UNC79: variants seen among roughly 807,000 people sequenced by gnomAD.
UNC79 encodes unc-79 subunit of NALCN channel complex.
UNC79 carries 37 observed loss-of-function variants against 283.1 expected under a neutral mutation model. That is an observed-to-expected ratio of 0.13 (90% CI 0.10 to 0.17). UNC79 has a LOEUF of 0.17. UNC79 is among the 10% of genes least tolerant of loss of function. UNC79 has a pLI of 1.00. For synonymous variants in UNC79, 1,107 were observed against 1,200.2 expected (o/e 0.92, Z 1.61); for missense variants, 2,272 against 3,211.1 (o/e 0.71, Z 7.07).
chr14:93,505,981 A>G (rs1029514673), intron 7 of UNC79, among the ~76,000 whole-genome samples: 1 of 151,658 alleles, frequency 6.6e-6, no homozygotes, highest in Non-Finnish European at 1.5e-5. Context: ...TATACATATT[A>G]TATATTCTAC....
intron 18 of UNC79, 78 bp downstream of exon 18, chr14:93,578,141 T>TGGAGATGCCCAACACA: frequency 3.0e-6 from 4 of 1,340,476 alleles, no homozygotes; most frequent in Non-Finnish European, 4.1e-6. Flanking sequence ...TTTCCATGTG[T>TGGAGATGCCCAACACA]TGGGCATCTC....
At chr14:93,632,888 C>T (rs1011654902) in intron 31 of UNC79, among the ~76,000 whole-genome samples, 2 of 151,860 alleles carry the variant, frequency 1.3e-5, no homozygotes, top group African/African-American at 4.8e-5. Context: ...CCACCTTTCT[C>T]CTCCTTGCCA....
chr14:93,349,170 C>T (rs1314018727), intron 1 of UNC79, among the ~76,000 whole-genome samples: 1 of 152,212 alleles, frequency 6.6e-6, no homozygotes, highest in South Asian at 2.1e-4. Context: ...AACTGTAACA[C>T]TCACCGTGAA....
intron 23 of UNC79, among the ~76,000 whole-genome samples, chr14:93,596,359 G>C (rs1029113961): frequency 3.3e-5 from 5 of 152,318 alleles, no homozygotes; most frequent in Non-Finnish European, 5.9e-5. Context: ...TGTAGGCTGG[G>C]TGCAGTGGCT....
intron 47 of UNC79, among the ~76,000 whole-genome samples, chr14:93,698,178 A>T (rs2075283257): frequency 6.6e-6 from 1 of 152,172 alleles, no homozygotes; most frequent in Non-Finnish European, 1.5e-5. Context: ...CTCTGTGTGC[A>T]CTAGAAAAGA....
At chr14:93,702,111 CT>C (rs1248117220) in intron 47 of UNC79, among the ~76,000 whole-genome samples, 1 of 152,158 alleles carries the variant, frequency 6.6e-6, no homozygotes, top group Non-Finnish European at 1.5e-5. Context: ...CCAGGGCTTG[CT>C]TTTTGCTGTG....
At chr14:93,434,045 C>T (rs760836372) in intron 1 of UNC79, among the ~76,000 whole-genome samples, 1 of 152,068 alleles carries the variant, frequency 6.6e-6, no homozygotes, top group Non-Finnish European at 1.5e-5. Context: ...GAAACCCCAT[C>T]TCTACTAAAA....
At position 93,575,211 on chromosome 14, in the gene UNC79, A is replaced by G. The variant is rs1246651403; in HGVS notation, c.2211+13A>G. On this transcript the variant is annotated intron_variant, in intron 17 of 48. Transcript: ENST00000555664. ...TGCATCTCGAAGGGTAATTATTGCC[A>G]CATTTGTTCTTGTCTTGCTTTTAAA... is the stretch of plus-strand genomic sequence containing the variant. 4 of 1,613,272 alleles carry G rather than the reference A, an allele frequency of 2.5e-6. No individual in the cohort carries two copies. Among genetic ancestry groups the G allele is most frequent in the Non-Finnish European group, 3.4e-6 (4 of 1,179,798 alleles).
At chr14:93,361,158 G>A (rs1380319176) in intron 1 of UNC79, among the ~76,000 whole-genome samples, 2 of 135,746 alleles carry the variant, frequency 1.5e-5, no homozygotes, top group East Asian at 4.4e-4. Context: ...GTTGCAGTGA[G>A]CTGAAATCAT....
At position 93,634,517 on chromosome 14, in the gene UNC79, C is replaced by G. The variant is rs758756520; in HGVS notation, c.5717-2699C>G. 1 of 1,609,370 alleles carries G rather than the reference C, an allele frequency of 6.2e-7. No individual in the cohort carries two copies. Among genetic ancestry groups the G allele is most frequent in the South Asian group, 1.1e-5 (1 of 90,960 alleles). On this transcript the variant is annotated intron_variant, in intron 31 of 48. Coordinates refer to ENST00000555664, the Ensembl canonical transcript of UNC79. ...ATAATCATCTCCTAATTTCCTCCAT[C>G]TAGCTCAGTATAGGCAGATGAAAAG...
chr14:93,497,479 C>A (rs1417952572), intron 7 of UNC79, among the ~76,000 whole-genome samples, 193 bp downstream of exon 7: 1 of 152,178 alleles, frequency 6.6e-6, no homozygotes, highest in East Asian at 1.9e-4. Context: ...CATTTATGGC[C>A]TCAGGGCAAA....
intron 14 of UNC79, among the ~76,000 whole-genome samples, chr14:93,571,035 G>A (rs1038042402): frequency 1.3e-5 from 2 of 152,054 alleles, no homozygotes; most frequent in Non-Finnish European, 2.9e-5. Flanking sequence ...GTCTTGTCTA[G>A]GATTTTGGTC....
In UNC79 at chr14:93,597,343, C is replaced by T; in HGVS notation, c.3191-16C>T. On this transcript the variant is annotated splice_polypyrimidine_tract_variant and intron_variant, in intron 23 of 48. Transcript: ENST00000555664. ...TGTGTGTATTTACGTATTTTGCCTT[C>T]TCTTTTACATTGCAGTGGAAAAAGT... 1.2e-6 allele frequency: 2 copies of T among 1,612,810 alleles called. No individual in the cohort carries two copies. Among genetic ancestry groups the T allele is most frequent in the South Asian group, 2.2e-5 (2 of 90,832 alleles).
chr14:93,354,797 C>T (rs1201358591), intron 1 of UNC79, among the ~76,000 whole-genome samples: 11 of 152,166 alleles, frequency 7.2e-5, no homozygotes, highest in Non-Finnish European at 1.3e-4. Context: ...ATACTGCACC[C>T]AGCCCTAAGC....
At chr14:93,396,095 A>G (rs2054990668) in intron 1 of UNC79, among the ~76,000 whole-genome samples, 1 of 151,798 alleles carries the variant, frequency 6.6e-6, no homozygotes, top group Non-Finnish European at 1.5e-5. Flanking sequence ...TTTGTGTTAC[A>G]CAGACTAGAC....
At chr14:93,569,258 A>C (rs1339453346) in intron 14 of UNC79, among the ~76,000 whole-genome samples, 1 of 152,132 alleles carries the variant, frequency 6.6e-6, no homozygotes, top group Non-Finnish European at 1.5e-5. Context: ...CAACATGGTG[A>C]AACCCCGTCT....
rs57703735 is a variant in UNC79 at position 93,660,520 on chromosome 14, CATATATATATATATATATAT to C, written c.6525+1284_6525+1303del. On this transcript the variant is annotated intron_variant, in intron 39 of 48. Coordinates refer to ENST00000555664, the Ensembl canonical transcript of UNC79. ...TATTGACAATGTTTCAAGACAATAG[CATATATATATATATATATAT>C]ATATATATATATATATATATATATG... Among the ~76,000 whole-genome samples, 71 of 48,730 alleles carry C rather than the reference CATATATATATATATATATAT, an allele frequency of 1.5e-3. 2 individuals are homozygous for C. The highest frequency in any genetic ancestry group is 6.0e-3 in the South Asian group (6 of 1,006). The allele number at this position is 48,730 out of a possible 152,430, so 32.0% of individuals were successfully genotyped here.
intron 23 of UNC79, among the ~76,000 whole-genome samples, chr14:93,594,278 GT>G (rs989234232): frequency 6.6e-6 from 1 of 150,928 alleles, no homozygotes; most frequent in African/African-American, 2.4e-5. Flanking sequence ...GGTTTTTTGT[GT>G]TTTTTTTTGA....
chr14:93,637,819 G>A (rs1362397816), intron 32 of UNC79, among the ~76,000 whole-genome samples: 1 of 152,072 alleles, frequency 6.6e-6, no homozygotes, highest in Non-Finnish European at 1.5e-5. Context: ...ACATTCCTAG[G>A]TCCTTCAGCA....
Sources: allele counts gnomAD v4.1 joint callset (sites outside exome capture counted in the v4.1 genomes callset), GRCh38; gene constraint gnomAD v4.1.1; transcripts MANE v1.5; gene names NCBI Gene and HGNC (gene_info 2026-07-23, HGNC 2026-07-21).